Variants in DPP10 observed in about 807,000 individuals in gnomAD.
The protein encoded by DPP10 is inactive dipeptidyl peptidase 10.
A neutral mutation model predicts 120.9 loss-of-function variants in DPP10; 33 were observed. The observed-to-expected ratio is 0.27, with a 90% CI of 0.21 to 0.37. The LOEUF (loss-of-function observed/expected upper bound fraction) is 0.37, where lower values mean the gene tolerates loss of function less well. DPP10 is among the 10% of genes least tolerant of loss of function. The pLI is 1.00. For missense variants in DPP10, 816 were observed against 942.8 expected (o/e 0.87, Z 1.76); for synonymous variants, 337 against 326.1 (o/e 1.03, Z -0.36).
intron 1 of DPP10, among the ~76,000 whole-genome samples, chr2:114,986,799 C>A (rs1038353529): frequency 8.5e-5 from 13 of 152,116 alleles, no homozygotes; most frequent in African/African-American, 2.4e-5. Flanking sequence ...AGGATGGAGT[C>A]TCACTCTGTC....
chr2:115,608,295 C>T (rs759986597), intron 5 of DPP10, among the ~76,000 whole-genome samples: 11 of 152,090 alleles, frequency 7.2e-5, no homozygotes, highest in Middle Eastern at 3.4e-3. Flanking sequence ...GAGGCGGAGG[C>T]GTGAGAATTG....
At chr2:115,818,125 G>A (rs1044856580) in intron 21 of DPP10, among the ~76,000 whole-genome samples, 1 of 152,154 alleles carries the variant, frequency 6.6e-6, no homozygotes, top group African/African-American at 2.4e-5. Context: ...GTGCAAATGA[G>A]AGCAAGGTGC....
intron 1 of DPP10, among the ~76,000 whole-genome samples, chr2:115,211,708 C>T (rs2056526031): frequency 6.6e-6 from 1 of 151,988 alleles, no homozygotes; most frequent in South Asian, 2.1e-4. Flanking sequence ...AATACAACTT[C>T]AGTGCATCAT....
At chr2:114,947,284 A>G (rs1363137335) in intron 1 of DPP10, among the ~76,000 whole-genome samples, 1 of 151,998 alleles carries the variant, frequency 6.6e-6, no homozygotes, top group East Asian at 1.9e-4. Flanking sequence ...CACTTTGATA[A>G]CACAAATTTT....
intron 19 of DPP10, among the ~76,000 whole-genome samples, chr2:115,808,980 C>T (rs1381652993): frequency 6.6e-6 from 1 of 152,092 alleles, no homozygotes. Context: ...AAAAGGAATT[C>T]AACCAAAAGC....
intron 1 of DPP10, among the ~76,000 whole-genome samples, chr2:114,574,547 TAA>T (rs1689912370): frequency 6.6e-6 from 1 of 152,124 alleles, no homozygotes; most frequent in Non-Finnish European, 1.5e-5. Flanking sequence ...AACACAGAAT[TAA>T]GTCATAATCG....
chr2:114,704,086 T>C (rs1181045022), intron 1 of DPP10, among the ~76,000 whole-genome samples: 1 of 152,046 alleles, frequency 6.6e-6, no homozygotes, highest in Non-Finnish European at 1.5e-5. Context: ...GGCTGGATGA[T>C]GTTATGGTGT....
chr2:114,547,685 G>A (rs1223160597), intron 1 of DPP10, among the ~76,000 whole-genome samples: 1 of 152,158 alleles, frequency 6.6e-6, no homozygotes, highest in African/African-American at 2.4e-5. Context: ...ATGCATATAT[G>A]TGAGTCCAGT....
Position 115,510,059 on chromosome 2 carries a change from A to G in DPP10, c.366+10455A>G, listed in dbSNP as rs111627009. ...CCCATTTTTTATTGAGCTCTTTTCA[A>G]TTGCTGAATTGTAAGATTTTTTCAT... On this transcript the variant is annotated intron_variant, in intron 4 of 25. Transcript: ENST00000410059. 5.9e-4 allele frequency among the ~76,000 whole-genome samples: 90 copies of G among 152,170 alleles called. 1 individual carries two copies. Among genetic ancestry groups the G allele is most frequent in the African/African-American group, 2.1e-3 (86 of 41,522 alleles).
chr2:114,923,282 C>T (rs1299630848), intron 1 of DPP10, among the ~76,000 whole-genome samples: 1 of 150,462 alleles, frequency 6.6e-6, no homozygotes, highest in Non-Finnish European at 1.5e-5. Flanking sequence ...CTCCCAGGTT[C>T]AAGCGATTCT....
intron 1 of DPP10, among the ~76,000 whole-genome samples, chr2:114,726,234 T>TA (rs66544851): frequency 0.14 from 16,419 of 113,700 alleles, 1,168 homozygotes; most frequent in African/African-American, 0.23. Context: ...AGACTACGTC[T>TA]AAAAAAAAAA....
rs576137621 is a variant in DPP10 at position 115,319,916 on chromosome 2, A to G, written c.175+10563A>G. 5.9e-5 allele frequency among the ~76,000 whole-genome samples: 9 copies of G among 152,268 alleles called. No individual in the cohort carries two copies. In the East Asian group the frequency reaches 1.2e-3, roughly 20 times the overall value. ...CCCTTCAATCCTAAGCTCTTTTATA[A>G]GGGTATTAATTTCATTCGTAATGGT... On this transcript the variant is annotated intron_variant, in intron 2 of 25. Coordinates refer to ENST00000410059, the MANE Select transcript of DPP10 (RefSeq NM_020868.6).
intron 1 of DPP10, among the ~76,000 whole-genome samples, chr2:114,608,805 A>G (rs785034): frequency 0.025 from 3,852 of 152,234 alleles, 162 homozygotes; most frequent in African/African-American, 0.086. Context: ...ACCAAATACT[A>G]CATATTCTGA....
At position 114,963,057 on chromosome 2, in the gene DPP10, G is replaced by GC. The variant is rs533437060; in HGVS notation, c.61-346181dup. On this transcript the variant is annotated intron_variant, in intron 1 of 25. Transcript: ENST00000410059. Reference sequence around the variant, plus strand: ...TATATTTCTGAGCATAACAATCACAGCATTTAAAAATATTCTTAAGCATAG... The same window carrying GC: ...TATATTTCTGAGCATAACAATCACAGCCATTTAAAAATATTCTTAAGCATAG... Among the ~76,000 whole-genome samples, 179 of 152,252 alleles carry GC rather than the reference G, an allele frequency of 1.2e-3. 1 individual carries two copies. Among genetic ancestry groups the GC allele is most frequent in the African/African-American group, 3.8e-3 (157 of 41,554 alleles).
At position 114,702,067 on chromosome 2, in the gene DPP10, C is replaced by T. The variant is rs530423228; in HGVS notation, c.60+259229C>T. On this transcript the variant is annotated intron_variant, in intron 1 of 25. Coordinates refer to ENST00000410059, the MANE Select transcript of DPP10 (RefSeq NM_020868.6). Reference sequence around the variant, plus strand: ...TGGTCCTCTGAGCATCTGTAAGTTACCTCACTGCAGTGTAATGTGATTGTC... The same window carrying T: ...TGGTCCTCTGAGCATCTGTAAGTTATCTCACTGCAGTGTAATGTGATTGTC... Among the ~76,000 whole-genome samples, 283 of 152,186 alleles carry T rather than the reference C, an allele frequency of 1.9e-3. 2 individuals are homozygous for T. The highest frequency in any genetic ancestry group is 6.4e-3 in the African/African-American group (265 of 41,528).
intron 5 of DPP10, among the ~76,000 whole-genome samples, chr2:115,571,226 C>CT (rs1250223453): frequency 2.0e-5 from 3 of 152,176 alleles, no homozygotes; most frequent in African/African-American, 7.2e-5. Context: ...TTGCCAACAT[C>CT]TTTTTTCTCC....
intron 19 of DPP10, among the ~76,000 whole-genome samples, chr2:115,798,381 T>TACAGTGTATTCTTTCTTGGTAATTC (rs1308440707): frequency 1.6e-4 from 24 of 152,230 alleles, no homozygotes; most frequent in African/African-American, 5.8e-4. Flanking sequence ...AATACCAAGA[T>TACAGTGTATTCTTTCTTGGTAATTC]ACAGTGTATT....
chr2:115,697,150 G>A (rs1370447034), intron 7 of DPP10, among the ~76,000 whole-genome samples: 2 of 151,950 alleles, frequency 1.3e-5, no homozygotes, highest in Non-Finnish European at 2.9e-5. Flanking sequence ...AAATAAGACA[G>A]TAATGTGGAA....
intron 7 of DPP10, among the ~76,000 whole-genome samples, chr2:115,695,173 C>T (rs1182975284): frequency 6.6e-6 from 1 of 152,120 alleles, no homozygotes; most frequent in East Asian, 1.9e-4. Flanking sequence ...TAGCAAGTCA[C>T]CATACATGCA....
Sources: gnomAD v4.1 joint callset for allele counts (sites outside exome capture counted in the v4.1 genomes callset) on GRCh38, gnomAD v4.1.1 for gene constraint, MANE v1.5 for transcripts, NCBI Gene and HGNC (gene_info 2026-07-23, HGNC 2026-07-21) for gene names.